Variants in PXMP2 observed in about 807,000 individuals in gnomAD.
PXMP2 encodes peroxisomal membrane protein 2, also known as 22 kDa peroxisomal membrane protein.
PXMP2 carries 13 observed loss-of-function variants against 20.2 expected under a neutral mutation model. The ratio of observed to expected loss-of-function variants is 0.64; its 90% CI spans 0.42 to 1.02. The LOEUF is 1.02. PXMP2 is among the 50% of genes least tolerant of loss of function. The pLI is 0.00. For synonymous variants in PXMP2, 113 were observed against 111.2 expected (o/e 1.02, Z -0.10); for missense variants, 284 against 251.8 (o/e 1.13, Z -0.87).
chr12:132,701,551 G>C (rs2043442122), intron 4 of PXMP2, 182 bp downstream of exon 4: 2 of 832,920 alleles, frequency 2.4e-6, no homozygotes, highest in Non-Finnish European at 3.5e-6. Flanking sequence ...CTTGGATTTT[G>C]CCCATGACCC....
chr12:132,701,572 C>G, intron 4 of PXMP2: 1 of 665,706 alleles, frequency 1.5e-6, no homozygotes, highest in East Asian at 3.2e-5. Context: ...TGAATCATTG[C>G]TAGTTCGGGA....
intron 1 of PXMP2, 66 bp from the exon 2 acceptor site, chr12:132,690,196 TC>T: frequency 5.3e-6 from 7 of 1,313,086 alleles, no homozygotes; most frequent in Non-Finnish European, 7.7e-6. Flanking sequence ...CCCTGCTAAT[TC>T]ACCTATGGGA....
At chr12:132,703,373 G>A (rs1451960583) in intron 4 of PXMP2, among the ~76,000 whole-genome samples, 1 of 152,220 alleles carries the variant, frequency 6.6e-6, no homozygotes, top group Non-Finnish European at 1.5e-5. Flanking sequence ...GCCATGGTGG[G>A]TGCAGACGTG....
At chr12:132,688,577 C>T (rs1361565055) in intron 1 of PXMP2, among the ~76,000 whole-genome samples, 1 of 23,464 alleles carries the variant, frequency 4.3e-5, no homozygotes, top group East Asian at 7.8e-4. Flanking sequence ...GCGAGGGGAG[C>T]GGGTCTGCGG....
chr12:132,703,981 G>C (rs986954297), intron 4 of PXMP2, among the ~76,000 whole-genome samples: 1 of 152,150 alleles, frequency 6.6e-6, no homozygotes, highest in Non-Finnish European at 1.5e-5. Flanking sequence ...GGGCAGAGTC[G>C]CCATCCTAGG....
chr12:132,687,620 G>A lies in PXMP2; in HGVS notation c.-51G>A, dbSNP rs1232654384. Reference sequence around the variant, plus strand: ...CTCGGCGCCTCGGGCTCCGCGCCCGGCCAGCCTGAGGTGGGGTCGGTGCCC... The same window carrying A: ...CTCGGCGCCTCGGGCTCCGCGCCCGACCAGCCTGAGGTGGGGTCGGTGCCC... On this transcript the variant is annotated 5_prime_UTR_variant, in exon 1 of 5. Transcript: ENST00000317479. The A allele has an allele frequency of 4.3e-6, 5 of 1,159,598 alleles. No individual in the cohort carries two copies. Among genetic ancestry groups the A allele is most frequent in the Admixed American group, 4.7e-5 (1 of 21,300 alleles). 71.8% of individuals were successfully genotyped at this position (1,159,598 alleles called of 1,614,324 possible).
chr12:132,701,273 C>T lies in PXMP2; in HGVS notation c.423C>T (p.Ala141=), dbSNP rs111517034. The T allele has an allele frequency of 6.0e-5, 97 of 1,613,280 alleles. No homozygotes were observed. Among genetic ancestry groups the T allele is most frequent in the African/African-American group, 3.2e-4 (24 of 74,844 alleles). ...AGGGGAAAGACGCCTCAGCCTTCGC[C>T]GCCAAGATGAGGGGGGGCTTCTGGC... ...FLEGKDASAF[A]AKMRGGFWPA... The change falls in exon 4 of 5, where the codon GCC becomes GCT. Residue 141 remains alanine, a synonymous_variant. Coordinates refer to ENST00000317479, the MANE Select transcript of PXMP2 (RefSeq NM_018663.3).
chr12:132,702,235 C>T (rs1285881358), intron 4 of PXMP2, among the ~76,000 whole-genome samples: 1 of 152,246 alleles, frequency 6.6e-6, no homozygotes, highest in Non-Finnish European at 1.5e-5. Context: ...CCATGGCAGC[C>T]ACACCTGGGC....
At chr12:132,703,584 C>T (rs558195826) in intron 4 of PXMP2, among the ~76,000 whole-genome samples, 2 of 152,172 alleles carry the variant, frequency 1.3e-5, no homozygotes, top group African/African-American at 2.4e-5. Context: ...CAAGCCCCCA[C>T]GTGCCTCTCT....
chr12:132,692,542 C>T (rs1245441875), intron 2 of PXMP2, among the ~76,000 whole-genome samples: 3 of 134,792 alleles, frequency 2.2e-5, no homozygotes. Context: ...TAGTGAGCGC[C>T]CTTGCCAGTT....
At chr12:132,692,373 T>TA (rs36051380) in intron 2 of PXMP2, among the ~76,000 whole-genome samples, 12 of 98,754 alleles carry the variant, frequency 1.2e-4, no homozygotes, top group Admixed American at 4.8e-4. Flanking sequence ...TGAGCTCCCT[T>TA]GCCAGTTAGT....
chr12:132,695,090 CAGTT>C (rs764887636), intron 2 of PXMP2, among the ~76,000 whole-genome samples: 23 of 147,738 alleles, frequency 1.6e-4, no homozygotes, highest in East Asian at 1.2e-3. Flanking sequence ...CTCCCTTAGC[CAGTT>C]AGTTAGAGAG....
intron 2 of PXMP2, among the ~76,000 whole-genome samples, chr12:132,690,954 A>G (rs1440542132): frequency 6.6e-6 from 1 of 152,142 alleles, no homozygotes. Context: ...CTAAAGTCAG[A>G]CTTCAGGATT....
At chr12:132,700,255 G>A (rs895756401) in intron 3 of PXMP2, among the ~76,000 whole-genome samples, 1 of 151,836 alleles carries the variant, frequency 6.6e-6, no homozygotes, top group Middle Eastern at 3.4e-3. Context: ...TCCCATGTTG[G>A]TCAGGCTGGT....
At chr12:132,698,005 G>A (rs567546658) in intron 3 of PXMP2, among the ~76,000 whole-genome samples, 27 of 150,066 alleles carry the variant, frequency 1.8e-4, no homozygotes, top group South Asian at 4.2e-4. Flanking sequence ...TGTCTGAGAC[G>A]TGTCACCTTT....
In PXMP2 at chr12:132,696,175, T is replaced by C. The variant is rs74947790; in HGVS notation, c.399+129T>C. The C allele has an allele frequency of 2.7e-3, 3,024 of 1,099,982 alleles. 70 individuals carry two copies. In the African/African-American group the frequency reaches 0.041, roughly 15 times the overall value. 68.1% of individuals were successfully genotyped at this position (1,099,982 alleles called of 1,614,324 possible). A position where few individuals can be genotyped will look rare whatever the true frequency, so the allele number is the denominator to read the frequency against. On this transcript the variant is annotated intron_variant, in intron 3 of 4. Transcript: ENST00000317479. The surrounding 1 kb of genome is among the most constrained non-coding windows in gnomAD (Gnocchi z 4.4). ...AATTGAAATTTTGCATTTTCTTTTA[T>C]GAATATAGGAAGCAAACATCTAGTA...
intron 3 of PXMP2, among the ~76,000 whole-genome samples, chr12:132,698,223 G>T (rs975323575): frequency 2.0e-5 from 3 of 152,018 alleles, no homozygotes; most frequent in African/African-American, 7.2e-5. Flanking sequence ...TCTTGGCCAG[G>T]TTGGTATTGA....
At chr12:132,690,487 A>T in intron 2 of PXMP2, 111 bp downstream of exon 2, 1 of 825,760 alleles carries the variant, frequency 1.2e-6, no homozygotes, top group Non-Finnish European at 1.9e-6. Context: ...ATTTTTTAAA[A>T]ACCATTGTAG....
intron 3 of PXMP2, among the ~76,000 whole-genome samples, chr12:132,697,865 A>G (rs2043418760): frequency 6.6e-6 from 1 of 152,188 alleles, no homozygotes; most frequent in Non-Finnish European, 1.5e-5. Context: ...TCCCAGTCAG[A>G]ATCCAACGCA....
Sources: allele counts gnomAD v4.1 joint callset (sites outside exome capture counted in the v4.1 genomes callset), GRCh38; gene constraint gnomAD v4.1.1; non-coding constraint Gnocchi (gnomAD v3.1); transcripts MANE v1.5; gene names NCBI Gene and HGNC (gene_info 2026-07-23, HGNC 2026-07-21).